The following GYPB variants were observed in gnomAD, a reference collection of about 807,000 sequenced individuals.
GYPB encodes the protein glycophorin B (MNS blood group).
In GYPB, 13 loss-of-function variants were observed where a neutral mutation model predicts 15.3. That is an observed-to-expected ratio of 0.85 (90% CI 0.55 to 1.35). The LOEUF (loss-of-function observed/expected upper bound fraction) is 1.35. Among genes scored for constraint, GYPB ranks in the 40% most tolerant of loss-of-function variants. The pLI, the probability that GYPB is intolerant of heterozygous loss-of-function variation, is 0.00. For missense variants in GYPB, 131 were observed against 108.3 expected (o/e 1.21, Z -0.93); for synonymous variants, 38 against 36.9 (o/e 1.03, Z -0.11).
At chr4:144,014,962 T>C (rs1029035077) in intron 1 of GYPB, among the ~76,000 whole-genome samples, 11 of 151,368 alleles carry the variant, frequency 7.3e-5, no homozygotes, top group African/African-American at 2.7e-4. Flanking sequence ...TAAATAGCTG[T>C]TTATAGAACT....
At chr4:144,001,718 G>C (rs888083614) in intron 1 of GYPB, among the ~76,000 whole-genome samples, 16 of 150,988 alleles carry the variant, frequency 1.1e-4, no homozygotes, top group Non-Finnish European at 1.9e-4. Context: ...CTTATAAAGG[G>C]GTAACTTGAA....
At chr4:144,005,297 A>AC (rs1472201369) in intron 1 of GYPB, among the ~76,000 whole-genome samples, 3 of 151,966 alleles carry the variant, frequency 2.0e-5, no homozygotes, top group Non-Finnish European at 4.4e-5. Flanking sequence ...TATTAGTCTC[A>AC]CCTTCCAGAT....
chr4:143,996,226 C>T lies in GYPB; in HGVS notation c.*73G>A, dbSNP rs1727300735. 1 of 1,549,702 alleles carries T rather than the reference C, an allele frequency of 6.5e-7. No individual in the cohort carries two copies. Among genetic ancestry groups the T allele is most frequent in the South Asian group, 1.2e-5 (1 of 83,994 alleles). On this transcript the variant is annotated 3_prime_UTR_variant, in exon 5 of 5. Coordinates refer to ENST00000502664, the MANE Select transcript of GYPB (RefSeq NM_002100.6). ...TAAGCAAAGGAATAGCAGGTGCAGC[C>T]AGTTTGCATAAACAAGAGAACAGCA...
intron 1 of GYPB, among the ~76,000 whole-genome samples, chr4:144,015,378 G>C (rs991170900): frequency 9.3e-5 from 14 of 151,258 alleles, no homozygotes; most frequent in African/African-American, 3.4e-4. Context: ...AATAATGGCT[G>C]GAAATCTATG....
At chr4:144,002,673 T>A (rs1727689810) in intron 1 of GYPB, 2 of 1,286,244 alleles carry the variant, frequency 1.6e-6, no homozygotes, top group Non-Finnish European at 2.0e-6. Flanking sequence ...ACTTGGCCCC[T>A]CAGCTGAATG....
At chr4:144,007,918 G>A (rs1283664712) in intron 1 of GYPB, among the ~76,000 whole-genome samples, 1 of 151,392 alleles carries the variant, frequency 6.6e-6, no homozygotes, top group Non-Finnish European at 1.5e-5. Flanking sequence ...TACTATAGGT[G>A]CACACCACCA....
intron 1 of GYPB, among the ~76,000 whole-genome samples, chr4:144,013,267 C>A (rs1266244127): frequency 6.6e-6 from 1 of 150,822 alleles, no homozygotes; most frequent in African/African-American, 2.5e-5. Flanking sequence ...AGTCAGGAAA[C>A]AACAGGTGCT....
chr4:143,999,862 A>G (rs1033926620), intron 2 of GYPB, among the ~76,000 whole-genome samples: 35 of 151,556 alleles, frequency 2.3e-4, no homozygotes, highest in Non-Finnish European at 2.2e-4. Context: ...TCATGCGGCT[A>G]TCAATTTTCT....
chr4:144,010,295 A>G (rs1728151797), intron 1 of GYPB, among the ~76,000 whole-genome samples: 1 of 151,138 alleles, frequency 6.6e-6, no homozygotes, highest in Non-Finnish European at 1.5e-5. Context: ...AAGACCCCAT[A>G]TTTACAAATT....
chr4:144,002,482 C>T (rs998288114), intron 1 of GYPB: 2 of 655,544 alleles, frequency 3.1e-6, no homozygotes, highest in East Asian at 6.7e-5. Flanking sequence ...ATTTCAGTCT[C>T]CTATTCTGTG....
intron 1 of GYPB, among the ~76,000 whole-genome samples, chr4:144,009,060 G>T: frequency 6.6e-6 from 1 of 151,344 alleles, no homozygotes; most frequent in Non-Finnish European, 1.5e-5. Context: ...TTAAATGTTG[G>T]TGTTTCTTAG....
intron 1 of GYPB, among the ~76,000 whole-genome samples, chr4:144,013,467 C>A (rs542270257): frequency 7.3e-5 from 11 of 151,258 alleles, no homozygotes; most frequent in Non-Finnish European, 1.2e-4. Context: ...AACACATGCA[C>A]ACGTATGTTT....
intron 3 of GYPB, 110 bp downstream of exon 3, chr4:143,999,298 TAAC>T (rs1727488850): frequency 1.6e-6 from 1 of 642,044 alleles, no homozygotes; most frequent in Non-Finnish European, 2.8e-6. Flanking sequence ...TGAATAAAGT[TAAC>T]AACATATGCT....
In GYPB at chr4:143,996,642, C is replaced by T. The variant is rs1367719610; in HGVS notation, c.271-338G>A. On this transcript the variant is annotated intron_variant, in intron 4 of 4. Transcript: ENST00000502664. ...AAAATTAGTCAGGCATGGTAGCCCG[C>T]ACCTGTAGTCCCAATTACTGTGGAG... Among the ~76,000 whole-genome samples, 4 of 150,332 alleles carry T rather than the reference C, an allele frequency of 2.7e-5. 1 individual carries two copies. Among genetic ancestry groups the T allele is most frequent in the African/African-American group, 5.0e-5 (2 of 39,906 alleles).
intron 1 of GYPB, among the ~76,000 whole-genome samples, chr4:144,013,844 T>C (rs1268007856): frequency 2.7e-5 from 4 of 150,582 alleles, no homozygotes; most frequent in Non-Finnish European, 4.4e-5. Flanking sequence ...GTGGGTGCAG[T>C]GCACCAGCAT....
chr4:144,003,226 G>T (rs1727717362), intron 1 of GYPB, among the ~76,000 whole-genome samples: 1 of 151,442 alleles, frequency 6.6e-6, no homozygotes, highest in Non-Finnish European at 1.5e-5. Flanking sequence ...CTTATTTCTA[G>T]ATAGATGAAG....
intron 1 of GYPB, chr4:144,008,520 T>C (rs1293568286): frequency 1.3e-5 from 6 of 454,904 alleles, no homozygotes; most frequent in Non-Finnish European, 2.6e-5. Flanking sequence ...AGTTGAATCT[T>C]AATTTTTCCA....
At chr4:143,999,194 C>G (rs1727483271) in intron 3 of GYPB, 1 of 436,274 alleles carries the variant, frequency 2.3e-6, no homozygotes, top group Non-Finnish European at 4.2e-6. Context: ...TAGGCATGAG[C>G]CACGGCCCCT....
chr4:144,005,247 G>A (rs1229305740), intron 1 of GYPB, among the ~76,000 whole-genome samples: 2 of 151,966 alleles, frequency 1.3e-5, no homozygotes, highest in Non-Finnish European at 2.9e-5. Context: ...AGCATATCTG[G>A]TAAGCAGCAG....
Sources: allele counts gnomAD v4.1 joint callset (sites outside exome capture counted in the v4.1 genomes callset), GRCh38; gene constraint gnomAD v4.1.1; transcripts MANE v1.5; gene names NCBI Gene and HGNC (gene_info 2026-07-23, HGNC 2026-07-21).